Variants in CNTN3 observed in about 807,000 individuals in gnomAD.
CNTN3 encodes contactin 3, also known as contactin-3.
In CNTN3, 60 loss-of-function variants were observed where a neutral mutation model predicts 119.1. That is an observed-to-expected ratio of 0.50 (90% CI 0.41 to 0.62). The LOEUF (loss-of-function observed/expected upper bound fraction) is 0.62, where lower values mean the gene tolerates loss of function less well. Among genes scored for constraint, CNTN3 ranks in the 20% least tolerant of loss-of-function variants. The pLI is 0.00. For missense variants in CNTN3, 1,101 were observed against 1,242.4 expected, an observed-to-expected ratio of 0.89 and a Z score of 1.71; for synonymous variants, 450 against 438.7, an observed-to-expected ratio of 1.03 and a Z score of -0.32.
At chr3:74,284,520 T>C (rs1432387014) in intron 20 of CNTN3, among the ~76,000 whole-genome samples, 1 of 152,140 alleles carries the variant, frequency 6.6e-6, no homozygotes, top group African/African-American at 2.4e-5. Context: ...TGAGCATAAA[T>C]TACTTGGGAT....
At chr3:74,569,719 G>A (rs1271209227) in intron 1 of CNTN3, among the ~76,000 whole-genome samples, 3 of 152,160 alleles carry the variant, frequency 2.0e-5, no homozygotes, top group South Asian at 2.1e-4. Flanking sequence ...CACACGGTTT[G>A]CATGAGTCAA....
chr3:74,335,839 C>T (rs574768305), intron 12 of CNTN3, among the ~76,000 whole-genome samples: 10 of 152,228 alleles, frequency 6.6e-5, no homozygotes, highest in African/African-American at 2.4e-4. Context: ...ACCTTCATGT[C>T]CATGAAATCT....
chr3:74,571,598 T>C (rs780115863), intron 1 of CNTN3, among the ~76,000 whole-genome samples: 3 of 152,200 alleles, frequency 2.0e-5, no homozygotes, highest in Non-Finnish European at 4.4e-5. Context: ...AGCAAAGTTC[T>C]TGTGGTATAT....
At chr3:74,333,767 T>C (rs916144853) in intron 13 of CNTN3, among the ~76,000 whole-genome samples, 12 of 152,068 alleles carry the variant, frequency 7.9e-5, no homozygotes, top group Non-Finnish European at 1.6e-4. Context: ...TTTTAATATG[T>C]TAACATGCCG....
intron 1 of CNTN3, among the ~76,000 whole-genome samples, chr3:74,569,232 G>C (rs112822216): frequency 2.0e-5 from 3 of 152,202 alleles, no homozygotes; most frequent in African/African-American, 7.2e-5. Flanking sequence ...TACCAGAACT[G>C]TCTCACCTTC....
intron 13 of CNTN3, among the ~76,000 whole-genome samples, chr3:74,333,202 G>A (rs1483535772): frequency 2.6e-5 from 4 of 152,228 alleles, no homozygotes; most frequent in Non-Finnish European, 5.9e-5. Flanking sequence ...CTTAATTGTA[G>A]TTAGGTATCT....
intron 1 of CNTN3, among the ~76,000 whole-genome samples, chr3:74,570,114 T>A (rs1410413188): frequency 6.6e-6 from 1 of 152,080 alleles, no homozygotes; most frequent in Non-Finnish European, 1.5e-5. Flanking sequence ...CCTGGACATC[T>A]CTCTTTTGCC....
intron 4 of CNTN3, among the ~76,000 whole-genome samples, chr3:74,470,511 C>T (rs1436329183): frequency 6.6e-6 from 1 of 152,086 alleles, no homozygotes; most frequent in Non-Finnish European, 1.5e-5. Flanking sequence ...CCTCTCCCTA[C>T]ATGCTGTCAC....
chr3:74,500,406 T>C (rs1450578390), intron 2 of CNTN3, among the ~76,000 whole-genome samples: 2 of 151,728 alleles, frequency 1.3e-5, no homozygotes, highest in East Asian at 3.9e-4. Flanking sequence ...TCTATTGTAC[T>C]ACGTGTTTAA....
At chr3:74,296,384 C>A (rs1477844579) in intron 18 of CNTN3, among the ~76,000 whole-genome samples, 2 of 152,106 alleles carry the variant, frequency 1.3e-5, no homozygotes, top group African/African-American at 4.8e-5. Context: ...ATGGCCATCA[C>A]TCCCCAGACC....
intron 1 of CNTN3, among the ~76,000 whole-genome samples, chr3:74,573,563 T>G (rs1053250929): frequency 2.6e-5 from 4 of 152,074 alleles, no homozygotes; most frequent in African/African-American, 4.8e-5. Flanking sequence ...GGTTTGGTAC[T>G]CAGAATACAT....
intron 2 of CNTN3, among the ~76,000 whole-genome samples, chr3:74,516,790 GGTAA>G (rs1423568937): frequency 7.0e-6 from 1 of 143,854 alleles, no homozygotes; most frequent in African/African-American, 2.9e-5. Context: ...TGAGCAACTT[GGTAA>G]GTAAGAACAT....
intron 4 of CNTN3, among the ~76,000 whole-genome samples, chr3:74,433,021 G>A (rs980210122): frequency 3.3e-5 from 5 of 152,150 alleles, no homozygotes; most frequent in African/African-American, 1.2e-4. Context: ...TTTATGGGGG[G>A]TGATCTTAGA....
chr3:74,585,304 C>T (rs62266473), intron 1 of CNTN3, among the ~76,000 whole-genome samples: 1,664 of 152,022 alleles, frequency 0.011, 16 homozygotes, highest in Non-Finnish European at 0.016. Context: ...CATTTACATA[C>T]GATCGAAACA....
chr3:74,578,064 A>G (rs1385814905), intron 1 of CNTN3, among the ~76,000 whole-genome samples: 1 of 152,116 alleles, frequency 6.6e-6, no homozygotes, highest in Non-Finnish European at 1.5e-5. Context: ...CAACCTCCTT[A>G]CAAGGTCAAG....
chr3:74,515,274 T>C (rs1575800465), intron 2 of CNTN3, among the ~76,000 whole-genome samples: 1 of 152,054 alleles, frequency 6.6e-6, no homozygotes, highest in Non-Finnish European at 1.5e-5. Flanking sequence ...CAGAAAAACA[T>C]ATGTAAAATA....
intron 11 of CNTN3, among the ~76,000 whole-genome samples, chr3:74,356,632 A>G (rs1703941063): frequency 6.6e-6 from 1 of 152,090 alleles, no homozygotes; most frequent in Admixed American, 6.5e-5. Flanking sequence ...TACTCAAGGT[A>G]TTTTCAAGTG....
intron 1 of CNTN3, among the ~76,000 whole-genome samples, chr3:74,574,895 G>A (rs1181899884): frequency 6.6e-6 from 1 of 151,324 alleles, no homozygotes; most frequent in Admixed American, 6.6e-5. Context: ...TGAGAGAAAG[G>A]AAAGCAAATG....
intron 4 of CNTN3, among the ~76,000 whole-genome samples, chr3:74,425,427 C>G (rs1250688527): frequency 6.6e-6 from 1 of 152,124 alleles, no homozygotes; most frequent in African/African-American, 2.4e-5. Flanking sequence ...GGTAGAAAAG[C>G]TGGATTCTGA....
Sources: gnomAD v4.1 joint callset for allele counts (sites outside exome capture counted in the v4.1 genomes callset) on GRCh38, gnomAD v4.1.1 for gene constraint, MANE v1.5 for transcripts, NCBI Gene and HGNC (gene_info 2026-07-23, HGNC 2026-07-21) for gene names.